The following BORCS8 variants were observed in gnomAD, a reference collection of about 807,000 sequenced individuals.
BORCS8 encodes BLOC-1-related complex subunit 8.
Under a neutral mutation model 18.7 loss-of-function variants are expected in BORCS8, and 13 were observed. That is an observed-to-expected ratio of 0.70 (90% CI 0.45 to 1.11). BORCS8 has a LOEUF of 1.11. BORCS8 is among the 50% of genes least tolerant of loss of function. The probability of loss-of-function intolerance (pLI) is 0.00; values close to 1 mark genes in which losing one functional copy is unlikely to be tolerated. For synonymous variants in BORCS8, 68 were observed against 64.8 expected (o/e 1.05, Z -0.24); for missense variants, 165 against 165.7 (o/e 1.00, Z 0.02).
At chr19:19,183,340 G>A (rs576795689) in intron 3 of BORCS8, among the ~76,000 whole-genome samples, 214 of 151,490 alleles carry the variant, frequency 1.4e-3, no homozygotes, top group Admixed American at 6.6e-3. Context: ...AACCTGGGAG[G>A]CAGAGCTTGC....
Position 19,182,834 on chromosome 19 carries a change from T to A in BORCS8, c.216-151A>T, listed in dbSNP as rs559638671. Among the ~76,000 whole-genome samples, 1 of 152,288 alleles carries A rather than the reference T, an allele frequency of 6.6e-6. No individual in the cohort carries two copies. The highest frequency in any genetic ancestry group is 6.5e-5 in the Admixed American group (1 of 15,286). On this transcript the variant is annotated intron_variant, in intron 3 of 5. Transcript: ENST00000462790. This position sits in a 1 kb window ranked among gnomAD's most constrained non-coding sequence, Gnocchi z 4.1. ...CTCACAGTGGGCTTACATTTTAGAT[T>A]TCCCTGCTATGACTAGATGACATCT...
At chr19:19,179,440 C>T (rs753080166) in intron 5 of BORCS8, 2 of 152,692 alleles carry the variant, frequency 1.3e-5, no homozygotes, top group African/African-American at 2.4e-5. Context: ...TAAGCGCTCA[C>T]TGATTGACTA....
chr19:19,186,959 T>A lies in BORCS8; in HGVS notation c.84A>T (p.Pro28=), dbSNP rs1291945737. 6.4e-7 allele frequency: 1 copy of A among 1,551,374 alleles called. No homozygotes were observed. Among genetic ancestry groups the A allele is most frequent in the Admixed American group, 2.0e-5 (1 of 50,968 alleles). ...TESVYVLANE[P]SVALYRLQEH... Reference sequence around the variant, plus strand: ...CCTGCAGCCGGTACAGGGCCACGGATGGCTCGTTGGCCAGGACGTAGACGC... The same window carrying A: ...CCTGCAGCCGGTACAGGGCCACGGAAGGCTCGTTGGCCAGGACGTAGACGC... Residue 28 remains proline, a synonymous_variant, in exon 2 of 6, where the codon CCA becomes CCT. Transcript: ENST00000462790.
In BORCS8 at chr19:19,180,770, A is replaced by C; in HGVS notation, c.327-9T>G. 6.5e-7 allele frequency: 1 copy of C among 1,545,936 alleles called. No individual in the cohort carries two copies. The highest frequency in any genetic ancestry group is 1.4e-5 in the African/African-American group (1 of 73,044). On this transcript the variant is annotated splice_polypyrimidine_tract_variant and intron_variant, in intron 4 of 5. Transcript: ENST00000462790. ...GGGGTGGTTCCTCCGGGCTGCAACA[A>C]AACATGTGCAGCATCCATGAGGCCA...
Position 19,184,459 on chromosome 19 carries a change from A to G in BORCS8, c.215+1575T>C, listed in dbSNP as rs535864621. On this transcript the variant is annotated intron_variant, in intron 3 of 5. Coordinates refer to ENST00000462790, the MANE Select transcript of BORCS8 (RefSeq NM_001145784.2). ...TAGCTGGGACTACAGGTGCCACCAC[A>G]CCTGGCTAATTTTTTTGTATTTTTA... is the stretch of plus-strand genomic sequence containing the variant. Among the ~76,000 whole-genome samples, 230 of 151,282 alleles carry G rather than the reference A, an allele frequency of 1.5e-3. 1 individual carries two copies. Among genetic ancestry groups the G allele is most frequent in the Non-Finnish European group, 2.8e-3 (187 of 67,806 alleles).
intron 5 of BORCS8, chr19:19,177,696 G>GGAAGGAAAAAGAAAAGAAA (rs1376064847): frequency 3.9e-4 from 29 of 74,676 alleles, no homozygotes; most frequent in African/African-American, 1.4e-3. Context: ...AAGGAAGGAA[G>GGAAGGAAAAAGAAAAGAAA]AGAAAAGAAA....
chr19:19,191,713 G>A (rs781420336), intron 1 of BORCS8, among the ~76,000 whole-genome samples: 1 of 152,020 alleles, frequency 6.6e-6, no homozygotes, highest in African/African-American at 2.4e-5. Flanking sequence ...CCAAGTAGCT[G>A]GGACCACAGG....
intron 5 of BORCS8, chr19:19,180,203 C>G (rs2060335039): frequency 5.6e-6 from 1 of 176,998 alleles, no homozygotes; most frequent in African/African-American, 2.4e-5. Context: ...GCCACCTTTA[C>G]AGAAAGTAAA....
At chr19:19,189,324 G>A (rs973418556) in intron 1 of BORCS8, among the ~76,000 whole-genome samples, 1 of 152,118 alleles carries the variant, frequency 6.6e-6, no homozygotes, top group Non-Finnish European at 1.5e-5. Flanking sequence ...TCTCCTGCCT[G>A]GATGCCAGAT....
At chr19:19,192,025 G>A in intron 1 of BORCS8, 56 bp downstream of exon 1, 1 of 1,547,864 alleles carries the variant, frequency 6.5e-7, no homozygotes, top group Non-Finnish European at 8.7e-7. Flanking sequence ...GCCTTTGTCA[G>A]GCCGCCCCTC....
chr19:19,184,230 G>C (rs929421705), intron 3 of BORCS8, among the ~76,000 whole-genome samples: 2 of 151,394 alleles, frequency 1.3e-5, no homozygotes, highest in African/African-American at 2.4e-5. Flanking sequence ...CATGGCGTAG[G>C]TTCCTGGATT....
chr19:19,187,293 T>C (rs1361669954), intron 1 of BORCS8, among the ~76,000 whole-genome samples: 1 of 151,996 alleles, frequency 6.6e-6, no homozygotes, highest in Non-Finnish European at 1.5e-5. Flanking sequence ...CAGGCCATCA[T>C]GGTAAAACCC....
intron 3 of BORCS8, among the ~76,000 whole-genome samples, chr19:19,183,336 G>C (rs964199749): frequency 6.6e-6 from 1 of 151,746 alleles, no homozygotes; most frequent in Non-Finnish European, 1.5e-5. Flanking sequence ...CATGAACCTG[G>C]GAGGCAGAGC....
At position 19,182,414 on chromosome 19, in the gene BORCS8, A is replaced by G; in HGVS notation, c.326+159T>C. The G allele has an allele frequency of 7.1e-7, 1 of 1,417,908 alleles. No individual in the cohort carries two copies. The highest frequency in any genetic ancestry group is 2.6e-4 in the Middle Eastern group (1 of 3,812). The allele number at this position is 1,417,908 out of a possible 1,614,324, so 87.8% of individuals were successfully genotyped here. A position where few individuals can be genotyped will look rare whatever the true frequency, so the allele number is the denominator to read the frequency against. On this transcript the variant is annotated intron_variant, in intron 4 of 5. Coordinates refer to ENST00000462790, the MANE Select transcript of BORCS8 (RefSeq NM_001145784.2). The surrounding 1 kb of genome is among the most constrained non-coding windows in gnomAD (Gnocchi z 4.1). ...ACCTCGGTATTAAGTGACTGAACTC[A>G]GGTTATAGATGCCACAGGACAAGAG...
At chr19:19,184,880 G>A (rs912039848) in intron 3 of BORCS8, among the ~76,000 whole-genome samples, 1 of 152,290 alleles carries the variant, frequency 6.6e-6, no homozygotes, top group African/African-American at 2.4e-5. Flanking sequence ...GAGTACAGGC[G>A]TAAGCCCCTG....
intron 3 of BORCS8, 42 bp downstream of exon 3, chr19:19,185,992 C>T: frequency 1.3e-6 from 2 of 1,542,050 alleles, no homozygotes; most frequent in East Asian, 4.9e-5. Flanking sequence ...GAGGCCAGAG[C>T]AGCAAAAGGT....
intron 3 of BORCS8, among the ~76,000 whole-genome samples, chr19:19,183,670 C>G (rs753964010): frequency 6.6e-6 from 1 of 150,736 alleles, no homozygotes; most frequent in Admixed American, 6.6e-5. Flanking sequence ...CTGCAACCTC[C>G]GCCTCCCAGG....
intron 1 of BORCS8, 162 bp from the exon 2 acceptor site, chr19:19,187,167 C>A (rs2060417857): frequency 3.4e-6 from 2 of 594,474 alleles, no homozygotes; most frequent in Non-Finnish European, 6.0e-6. Flanking sequence ...GTGGTCACAG[C>A]AGGGCTCACT....
At chr19:19,190,805 G>A (rs2060462216) in intron 1 of BORCS8, among the ~76,000 whole-genome samples, 1 of 151,862 alleles carries the variant, frequency 6.6e-6, no homozygotes, top group African/African-American at 2.4e-5. Flanking sequence ...AAAAAAAGAA[G>A]AAGAAAGGTG....
Sources: gnomAD v4.1 joint callset for allele counts (sites outside exome capture counted in the v4.1 genomes callset) on GRCh38, gnomAD v4.1.1 for gene constraint, Gnocchi (gnomAD v3.1) non-coding constraint, MANE v1.5 for transcripts, NCBI Gene and HGNC (gene_info 2026-07-23, HGNC 2026-07-21) for gene names.